INTS3: variants seen among roughly 807,000 people sequenced by gnomAD.
INTS3 encodes SOSS complex subunit A.
INTS3 carries 34 observed loss-of-function variants against 146.3 expected under a neutral mutation model. The ratio of observed to expected loss-of-function variants is 0.23; its 90% CI spans 0.18 to 0.31. The LOEUF (loss-of-function observed/expected upper bound fraction) is 0.31, where lower values mean the gene tolerates loss of function less well. Ranked by LOEUF, INTS3 falls within the 10% of genes least tolerant of loss-of-function variation. The pLI, the probability that INTS3 is intolerant of heterozygous loss-of-function variation, is 1.00. For synonymous variants in INTS3, 475 were observed against 494.9 expected (o/e 0.96, Z 0.53); for missense variants, 757 against 1,304.2 (o/e 0.58, Z 6.46).
At chr1:153,761,814 A>C (rs749237799) in intron 14 of INTS3, 138 bp downstream of exon 14, 7 of 559,522 alleles carry the variant, frequency 1.3e-5, no homozygotes, top group Non-Finnish European at 2.3e-5. Flanking sequence ...TTCCTTCCTC[A>C]GTTTATCTTT....
At chr1:153,758,713 G>A (rs1014892722) in intron 10 of INTS3, among the ~76,000 whole-genome samples, 2 of 150,576 alleles carry the variant, frequency 1.3e-5, no homozygotes, top group Non-Finnish European at 3.0e-5. Flanking sequence ...TGAGAGGACC[G>A]CTTGAGCCTG....
At chr1:153,767,969 T>G in intron 21 of INTS3, 142 bp downstream of exon 21, 84 of 691,444 alleles carry the variant, frequency 1.2e-4, no homozygotes, top group Non-Finnish European at 1.6e-4. Context: ...CTCACAGCTG[T>G]CCCCTCCTTC....
At chr1:153,738,710 G>A (rs1296261709) in intron 1 of INTS3, among the ~76,000 whole-genome samples, 1 of 152,014 alleles carries the variant, frequency 6.6e-6, no homozygotes, top group Non-Finnish European at 1.5e-5. Context: ...TCACCTACTA[G>A]TTTTACCATC....
At position 153,740,749 on chromosome 1, in the gene INTS3, G is replaced by T. The variant is rs1288668755; in HGVS notation, c.234+15G>T. ...TCAATGCGTATGTAAGTAGAATGCT[G>T]TCCCTGCAGCCACTGCTGCTGCTGT... On this transcript the variant is annotated intron_variant, in intron 2 of 29. Transcript: ENST00000318967. 1 of 1,588,092 alleles carries T rather than the reference G, an allele frequency of 6.3e-7. No homozygotes were observed. The highest frequency in any genetic ancestry group is 1.1e-5 in the South Asian group (1 of 90,512).
Position 153,757,834 on chromosome 1 carries a change from C to T in INTS3, c.1149+71C>T, listed in dbSNP as rs1382502129. The T allele has an allele frequency of 7.2e-7, 1 of 1,387,678 alleles. No individual in the cohort carries two copies. The highest frequency in any genetic ancestry group is 1.0e-6 in the Non-Finnish European group (1 of 986,236). The allele number at this position is 1,387,678 out of a possible 1,614,324, so 86.0% of individuals were successfully genotyped here. On this transcript the variant is annotated intron_variant, in intron 10 of 29. Transcript: ENST00000318967. The surrounding 1 kb of genome is among the most constrained non-coding windows in gnomAD (Gnocchi z 4.0). ...TGTTCCCATGTTTCCATTCTTCTTC[C>T]TGACTCCAGGGCCACTTGACCCCTA...
Position 153,772,848 on chromosome 1 carries a change from G to C in INTS3, c.2895-77G>C. 1 of 1,598,572 alleles carries C rather than the reference G, an allele frequency of 6.3e-7. No individual in the cohort carries two copies. Among genetic ancestry groups the C allele is most frequent in the Non-Finnish European group, 8.6e-7 (1 of 1,168,820 alleles). ...TTGAAGAAAAAGAAGGCCTAGGCCT[G>C]GGGGCAGAGAAGAGGATGGGAGGTG... On this transcript the variant is annotated intron_variant, in intron 28 of 29. Transcript: ENST00000318967. The surrounding 1 kb of genome is among the most constrained non-coding windows in gnomAD (Gnocchi z 4.6).
At chr1:153,763,956 G>A in intron 17 of INTS3, 70 bp downstream of exon 17, 1 of 1,477,402 alleles carries the variant, frequency 6.8e-7, no homozygotes, top group East Asian at 2.3e-5. Flanking sequence ...TCCCAGGGAA[G>A]ACAACTCACT....
At chr1:153,754,298 G>A (rs888630312) in intron 8 of INTS3, among the ~76,000 whole-genome samples, 2 of 152,156 alleles carry the variant, frequency 1.3e-5, no homozygotes, top group Non-Finnish European at 2.9e-5. Flanking sequence ...AGGACCCAAG[G>A]ATGGGATCAT....
At chr1:153,761,017 C>G (rs1672363842) in intron 13 of INTS3, 99 bp downstream of exon 13, 2 of 1,552,946 alleles carry the variant, frequency 1.3e-6, no homozygotes, top group Non-Finnish European at 1.7e-6. Flanking sequence ...TTTTCTCTGA[C>G]AGGTGTAAAA....
chr1:153,741,135 TC>T (rs1006967770), intron 2 of INTS3, 149 bp from the exon 3 acceptor site: 7 of 690,020 alleles, frequency 1.0e-5, no homozygotes, highest in African/African-American at 8.9e-5. Context: ...TTTAAAAATC[TC>T]TTTTAAGAGA....
intron 3 of INTS3, among the ~76,000 whole-genome samples, chr1:153,744,026 G>A (rs1671633842): frequency 7.1e-6 from 1 of 141,122 alleles, no homozygotes; most frequent in Non-Finnish European, 1.5e-5. Context: ...CCTCACTGAG[G>A]GTGTGCATGT....
At chr1:153,739,273 G>A (rs1671425830) in intron 1 of INTS3, among the ~76,000 whole-genome samples, 2 of 151,844 alleles carry the variant, frequency 1.3e-5, no homozygotes, top group South Asian at 2.1e-4. Context: ...CACCATGTTG[G>A]CTAGGATAGT....
intron 23 of INTS3, 60 bp from the exon 24 acceptor site, chr1:153,770,132 GGGGTGT>G: frequency 2.0e-6 from 1 of 492,210 alleles, no homozygotes; most frequent in Admixed American, 3.0e-5. Flanking sequence ...GGGGGTGGGG[GGGGTGT>G]GTGTGTGTGT....
At position 153,751,176 on chromosome 1, in the gene INTS3, T is replaced by G; in HGVS notation, c.666T>G (p.Thr222=). The G allele has an allele frequency of 6.2e-7, 1 of 1,614,202 alleles. No homozygotes were observed. Among genetic ancestry groups the G allele is most frequent in the East Asian group, 2.2e-5 (1 of 44,886 alleles). ...GCCTCATCGTGGACCACCATGGGAC[T>G]GCCCAGCTCCAGGCCCTGCGACAGA... ...YLRLIVDHHG[T]AQLQALRQKE... is the part of the protein sequence containing the mutation. Residue 222 remains threonine (T), a synonymous_variant, in exon 7 of 30, where the codon ACT becomes ACG. Coordinates refer to ENST00000318967, the MANE Select transcript of INTS3 (RefSeq NM_023015.5).
At chr1:153,742,226 A>G (rs1409854771) in intron 3 of INTS3, among the ~76,000 whole-genome samples, 1 of 152,234 alleles carries the variant, frequency 6.6e-6, no homozygotes, top group African/African-American at 2.4e-5. Context: ...GCAAGTATTC[A>G]CAAATTCTTG....
intron 1 of INTS3, among the ~76,000 whole-genome samples, chr1:153,736,655 C>T (rs565630759): frequency 6.6e-6 from 1 of 151,586 alleles, no homozygotes; most frequent in Non-Finnish European, 1.5e-5. Context: ...CCATGTTGGT[C>T]AGGCTGGTCT....
At chr1:153,756,341 G>T (rs914716033) in intron 9 of INTS3, among the ~76,000 whole-genome samples, 2 of 151,966 alleles carry the variant, frequency 1.3e-5, no homozygotes, top group Admixed American at 1.3e-4. Context: ...CTCCAGCCTG[G>T]GCAACAGAAT....
chr1:153,751,052 G>T, intron 6 of INTS3, 43 bp from the exon 7 acceptor site: 7 of 1,607,526 alleles, frequency 4.4e-6, no homozygotes, highest in Middle Eastern at 1.7e-4. Flanking sequence ...AGGGTGAATA[G>T]TTCTAGACAG....
intron 12 of INTS3, 158 bp downstream of exon 12, chr1:153,760,548 A>G (rs929098476): frequency 1.1e-5 from 7 of 651,212 alleles, no homozygotes; most frequent in African/African-American, 9.1e-5. Flanking sequence ...CTTCCCTTCC[A>G]TATTCCACTG....
Sources: gnomAD v4.1 joint callset for allele counts (sites outside exome capture counted in the v4.1 genomes callset) on GRCh38, gnomAD v4.1.1 for gene constraint, Gnocchi (gnomAD v3.1) non-coding constraint, MANE v1.5 for transcripts, NCBI Gene and HGNC (gene_info 2026-07-23, HGNC 2026-07-21) for gene names.